RAD51B: variants seen among roughly 807,000 people sequenced by gnomAD.
RAD51B encodes RAD51 paralog B.
In RAD51B, 38 loss-of-function variants were observed where a neutral mutation model predicts 42.2. That is an observed-to-expected ratio of 0.90 (90% CI 0.70 to 1.18). The LOEUF (loss-of-function observed/expected upper bound fraction) is 1.18, where lower values mean the gene tolerates loss of function less well. RAD51B is among the 50% of genes most tolerant of loss of function. The pLI, the probability that RAD51B is intolerant of heterozygous loss-of-function variation, is 0.00. For synonymous variants in RAD51B, 154 were observed against 145.2 expected, an observed-to-expected ratio of 1.06 and a Z score of -0.43; for missense variants, 373 against 400.7, an observed-to-expected ratio of 0.93 and a Z score of 0.59.
downstream of RAD51B, among the ~76,000 whole-genome samples, chr14:68,599,580 C>A (rs543549642): frequency 1.5e-4 from 23 of 152,318 alleles, no homozygotes; most frequent in African/African-American, 5.5e-4. Flanking sequence ...CTTCTCACGA[C>A]CTCCCATCAG....
In RAD51B at chr14:67,915,337, C is replaced by A. The variant is rs534815990; in HGVS notation, c.756+28133C>A. Among the ~76,000 whole-genome samples the A allele has an allele frequency of 5.9e-5, 9 of 152,194 alleles. No individual in the cohort carries two copies. In the East Asian group the frequency reaches 1.5e-3, roughly 26 times the overall value. ...CTGTCTACTGTAATACCTGAGTAAG[C>A]TTTTATTGGATAGATTTGAATTGGT... is the stretch of plus-strand genomic sequence containing the variant. On this transcript the variant is annotated intron_variant, in intron 7 of 10. Coordinates refer to ENST00000471583, the MANE Select transcript of RAD51B (RefSeq NM_133510.4).
chr14:68,332,559 C>T lies in RAD51B; in HGVS notation c.853+40579C>T, dbSNP rs999572745. Reference sequence around the variant, plus strand: ...ACAGCACCATGGAGCAGCCTCCTGGCCTACATGTTAAAAGATCTAAATTCT... The same window carrying T: ...ACAGCACCATGGAGCAGCCTCCTGGTCTACATGTTAAAAGATCTAAATTCT... On this transcript the variant is annotated intron_variant, in intron 8 of 10. Coordinates refer to ENST00000471583, the MANE Select transcript of RAD51B (RefSeq NM_133510.4). Among the ~76,000 whole-genome samples, 5 of 152,234 alleles carry T rather than the reference C, an allele frequency of 3.3e-5. No homozygotes were observed. The East Asian group carries it at 7.7e-4, about 24-fold the overall frequency.
chr14:68,119,768 G>T lies in RAD51B; in HGVS notation c.757-172116G>T, dbSNP rs541723690. Among the ~76,000 whole-genome samples the T allele has an allele frequency of 7.4e-3, 1,113 of 151,256 alleles. 12 individuals carry two copies. The highest frequency in any genetic ancestry group is 0.023 in the African/African-American group (956 of 41,036). ...AGTCTTTGCTATTGTGAATATTGCC[G>T]CAATAAACATACGTGTGCATGTGTC... On this transcript the variant is annotated intron_variant, in intron 7 of 10. Transcript: ENST00000471583.
At chr14:68,362,896 T>G in intron 8 of RAD51B, among the ~76,000 whole-genome samples, 1 of 151,820 alleles carries the variant, frequency 6.6e-6, no homozygotes, top group Non-Finnish European at 1.5e-5. Flanking sequence ...TGTTGTTAGC[T>G]CCTTCTCACT....
intron 10 of RAD51B, among the ~76,000 whole-genome samples, chr14:68,513,872 T>G (rs1042058698): frequency 6.6e-6 from 1 of 152,236 alleles, no homozygotes; most frequent in Non-Finnish European, 1.5e-5. Context: ...AAGGGCTGAA[T>G]AGCAACATGG....
intron 9 of RAD51B, among the ~76,000 whole-genome samples, chr14:68,423,808 TC>T (rs942589036): frequency 1.3e-5 from 2 of 152,240 alleles, no homozygotes; most frequent in African/African-American, 4.8e-5. Flanking sequence ...GCTTTTTCGA[TC>T]TCTGTTAAGT....
At chr14:68,059,172 C>T (rs2076529132) in intron 7 of RAD51B, among the ~76,000 whole-genome samples, 2 of 152,146 alleles carry the variant, frequency 1.3e-5, no homozygotes, top group Non-Finnish European at 2.9e-5. Context: ...TTTAGTACCT[C>T]CTTTCCATTT....
At chr14:68,433,717 T>C (rs953361055) in intron 9 of RAD51B, among the ~76,000 whole-genome samples, 1 of 152,226 alleles carries the variant, frequency 6.6e-6, no homozygotes, top group Admixed American at 6.5e-5. Flanking sequence ...TCGGAGAAGT[T>C]TGATCATCTG....
intron 7 of RAD51B, among the ~76,000 whole-genome samples, chr14:67,966,923 A>G (rs2074790966): frequency 6.6e-6 from 1 of 152,212 alleles, no homozygotes; most frequent in Non-Finnish European, 1.5e-5. Flanking sequence ...ATGGACAATT[A>G]GAAGAGAAAA....
At chr14:68,446,728 A>G (rs2085429895) in intron 9 of RAD51B, among the ~76,000 whole-genome samples, 1 of 152,180 alleles carries the variant, frequency 6.6e-6, no homozygotes, top group African/African-American at 2.4e-5. Flanking sequence ...AGAGATTGAG[A>G]GAATGTTCCA....
At chr14:68,290,624 C>CT (rs1414636458) in intron 7 of RAD51B, among the ~76,000 whole-genome samples, 3 of 151,590 alleles carry the variant, frequency 2.0e-5, no homozygotes, top group Admixed American at 6.6e-5. Context: ...AGACTTTGGA[C>CT]TTTTTTTTGT....
chr14:67,924,262 G>C (rs2044427235), intron 7 of RAD51B, among the ~76,000 whole-genome samples: 1 of 152,062 alleles, frequency 6.6e-6, no homozygotes, highest in Non-Finnish European at 1.5e-5. Context: ...CCTTGTTTTA[G>C]TTGCGTTTAT....
intron 9 of RAD51B, chr14:68,422,201 A>C: frequency 3.8e-6 from 4 of 1,056,534 alleles, no homozygotes; most frequent in Non-Finnish European, 5.9e-6. Flanking sequence ...GACCATGGCT[A>C]ATAGTACACG....
At chr14:67,844,642 T>G (rs1594988151) in intron 4 of RAD51B, among the ~76,000 whole-genome samples, 1 of 149,926 alleles carries the variant, frequency 6.7e-6, no homozygotes. Context: ...TATTATAGTT[T>G]AAGTTCTAGG....
chr14:68,028,070 C>T (rs2075981916), intron 7 of RAD51B, among the ~76,000 whole-genome samples: 1 of 152,142 alleles, frequency 6.6e-6, no homozygotes, highest in Non-Finnish European at 1.5e-5. Context: ...CCCCTGGTTT[C>T]ATGGAGTTAG....
At chr14:68,372,059 A>T (rs1291606454) in intron 8 of RAD51B, among the ~76,000 whole-genome samples, 2 of 152,174 alleles carry the variant, frequency 1.3e-5, no homozygotes, top group African/African-American at 4.8e-5. Context: ...GTGGGAAGAA[A>T]TCCATGAGAG....
intron 8 of RAD51B, among the ~76,000 whole-genome samples, chr14:68,367,279 T>G (rs1039253507): frequency 6.6e-6 from 1 of 152,226 alleles, no homozygotes; most frequent in Non-Finnish European, 1.5e-5. Flanking sequence ...GTACTTGATA[T>G]TCCCTTCCTT....
chr14:68,641,749 C>G (rs1311360576), intron 10 of RAD51B, among the ~76,000 whole-genome samples: 1 of 151,824 alleles, frequency 6.6e-6, no homozygotes, highest in Non-Finnish European at 1.5e-5. Flanking sequence ...AATACAGAGA[C>G]AGGGTTTCAC....
chr14:68,637,600 C>G (rs972742029), intron 10 of RAD51B, among the ~76,000 whole-genome samples: 4 of 152,102 alleles, frequency 2.6e-5, no homozygotes, highest in African/African-American at 9.7e-5. Context: ...ACAAAGGCAG[C>G]AAGATTATTT....
Sources: allele counts gnomAD v4.1 joint callset (sites outside exome capture counted in the v4.1 genomes callset), GRCh38; gene constraint gnomAD v4.1.1; transcripts MANE v1.5; gene names NCBI Gene and HGNC (gene_info 2026-07-23, HGNC 2026-07-21).